SORCS2: variants seen among roughly 807,000 people sequenced by gnomAD.
The protein encoded by SORCS2 is sortilin related VPS10 domain containing receptor 2, also known as VPS10 domain-containing receptor SorCS2.
SORCS2 carries 100 observed loss-of-function variants against 141.6 expected under a neutral mutation model. The ratio of observed to expected loss-of-function variants is 0.71; its 90% CI spans 0.60 to 0.83. The LOEUF is 0.83. Ranked by LOEUF, SORCS2 falls within the 40% of genes least tolerant of loss-of-function variation. The probability of loss-of-function intolerance (pLI) is 0.00; values close to 1 mark genes in which losing one functional copy is unlikely to be tolerated. For missense variants in SORCS2, 1,646 were observed against 1,560.2 expected, an observed-to-expected ratio of 1.05 and a Z score of -0.93; for synonymous variants, 789 against 676.9, an observed-to-expected ratio of 1.17 and a Z score of -2.57.
chr4:7,657,135 T>C (rs1721828521), intron 5 of SORCS2, among the ~76,000 whole-genome samples: 1 of 152,266 alleles, frequency 6.6e-6, no homozygotes, highest in Non-Finnish European at 1.5e-5. Flanking sequence ...AGGCCACCTG[T>C]ACACCGGTGT....
chr4:7,714,335 G>T lies in SORCS2; in HGVS notation c.2085G>T (p.Thr695=), dbSNP rs200959630. 3 of 1,570,626 alleles carry T rather than the reference G, an allele frequency of 1.9e-6. No individual in the cohort carries two copies. Among genetic ancestry groups the T allele is most frequent in the Non-Finnish European group, 1.7e-6 (2 of 1,157,844 alleles). Residue 695 remains threonine (T), a synonymous_variant, in exon 16 of 27, where the codon ACG becomes ACT. Coordinates refer to ENST00000507866, the MANE Select transcript of SORCS2 (RefSeq NM_020777.3). The part of the protein sequence containing the change: ...IKGRSFTSAL[T]SRVCECRDSD... Reference sequence around the variant, plus strand: ...GGAGGAGCTTCACGTCGGCGCTCACGTCCCGCGTGTGCGAGTGCCGGGACT... The same window carrying T: ...GGAGGAGCTTCACGTCGGCGCTCACTTCCCGCGTGTGCGAGTGCCGGGACT...
At chr4:7,335,971 G>A (rs1286816855) in intron 1 of SORCS2, among the ~76,000 whole-genome samples, 1 of 152,210 alleles carries the variant, frequency 6.6e-6, no homozygotes, top group Non-Finnish European at 1.5e-5. Context: ...CCTCCTGGCC[G>A]GGGCTTGGCA....
At chr4:7,213,009 TG>T (rs1728140800) in intron 1 of SORCS2, among the ~76,000 whole-genome samples, 1 of 152,226 alleles carries the variant, frequency 6.6e-6, no homozygotes, top group South Asian at 2.1e-4. Context: ...TCTTCAGAGG[TG>T]TCAGCTCTGG....
Position 7,697,238 on chromosome 4 carries a change from G to C in SORCS2, c.1632G>C (p.Met544Ile), listed in dbSNP as rs1480090806. ...GSQLVEYKEE[M>I]YITSDCGHTW... The stretch of plus-strand genomic sequence containing the variant: ...AGCTGGTGGAATATAAAGAAGAAAT[G>C]TACATCACGTCAGACTGTGGTCACA... The change falls in exon 12 of 27, where the codon ATG becomes ATC. Residue 544 changes from methionine to isoleucine, a missense_variant. By Grantham distance (10) the Met-to-Ile change is conservative. Transcript: ENST00000507866. 1 of 1,591,566 alleles carries C rather than the reference G, an allele frequency of 6.3e-7. No individual in the cohort carries two copies. The highest frequency in any genetic ancestry group is 2.3e-5 in the East Asian group (1 of 43,992).
At chr4:7,316,550 A>G (rs1718573618) in intron 1 of SORCS2, among the ~76,000 whole-genome samples, 1 of 152,218 alleles carries the variant, frequency 6.6e-6, no homozygotes, top group Non-Finnish European at 1.5e-5. Flanking sequence ...TACTGGCATC[A>G]CGACCCTGGA....
At chr4:7,387,452 TGCACACAC>T (rs1219094675) in intron 1 of SORCS2, among the ~76,000 whole-genome samples, 2 of 73,362 alleles carry the variant, frequency 2.7e-5, no homozygotes, top group African/African-American at 8.0e-5. Flanking sequence ...CATGCACACA[TGCACACAC>T]AGATACAGAG....
At chr4:7,471,241 C>A (rs1560312113) in intron 2 of SORCS2, among the ~76,000 whole-genome samples, 1 of 152,258 alleles carries the variant, frequency 6.6e-6, no homozygotes, top group Non-Finnish European at 1.5e-5. Flanking sequence ...CGCTCAGCTC[C>A]TGCCTCGCGC....
chr4:7,257,003 C>T (rs1713930898), intron 1 of SORCS2, among the ~76,000 whole-genome samples: 1 of 152,174 alleles, frequency 6.6e-6, no homozygotes, highest in African/African-American at 2.4e-5. Flanking sequence ...TGGGCATTCA[C>T]TGGTGATTTG....
intron 2 of SORCS2, chr4:7,434,613 A>C: frequency 6.2e-7 from 1 of 1,613,420 alleles, no homozygotes; most frequent in Non-Finnish European, 8.5e-7. Flanking sequence ...TCATCACCAA[A>C]GCCAGGATGT....
intron 2 of SORCS2, among the ~76,000 whole-genome samples, chr4:7,516,447 T>A (rs918606674): frequency 6.6e-6 from 1 of 152,104 alleles, no homozygotes; most frequent in Admixed American, 6.5e-5. Flanking sequence ...GAGGCTGATT[T>A]GCACCACGTG....
intron 1 of SORCS2, among the ~76,000 whole-genome samples, chr4:7,204,601 G>A (rs1006280196): frequency 2.0e-5 from 3 of 152,278 alleles, no homozygotes; most frequent in Admixed American, 1.3e-4. Context: ...CCCACTTGCC[G>A]GTCAGTAGCA....
At chr4:7,646,831 C>T (rs1209268560) in intron 4 of SORCS2, among the ~76,000 whole-genome samples, 1 of 152,178 alleles carries the variant, frequency 6.6e-6, no homozygotes, top group Non-Finnish European at 1.5e-5. Context: ...CGGAAGCCCA[C>T]GTCAGCTAAT....
intron 1 of SORCS2, among the ~76,000 whole-genome samples, chr4:7,361,026 T>C (rs1371538801): frequency 3.9e-5 from 6 of 152,130 alleles, no homozygotes; most frequent in Non-Finnish European, 7.4e-5. Context: ...CTGGAGCTTC[T>C]GTGACAGCTA....
At chr4:7,199,345 G>T (rs1334070402) in intron 1 of SORCS2, among the ~76,000 whole-genome samples, 1 of 152,170 alleles carries the variant, frequency 6.6e-6, no homozygotes, top group African/African-American at 2.4e-5. Context: ...GGCAGGGGAA[G>T]CTCAGTTCAC....
chr4:7,281,606 C>T (rs1715885637), intron 1 of SORCS2, among the ~76,000 whole-genome samples: 3 of 152,308 alleles, frequency 2.0e-5, no homozygotes, highest in South Asian at 2.1e-4. Context: ...ATGTCATTGC[C>T]ATCTGTTTCT....
At chr4:7,597,237 G>A (rs1717330569) in intron 3 of SORCS2, among the ~76,000 whole-genome samples, 1 of 150,282 alleles carries the variant, frequency 6.7e-6, no homozygotes. Flanking sequence ...ATTGCAATAG[G>A]GAAGGAGGCT....
intron 2 of SORCS2, among the ~76,000 whole-genome samples, chr4:7,457,952 C>T (rs568054165): frequency 2.0e-5 from 3 of 151,896 alleles, no homozygotes; most frequent in South Asian, 4.1e-4. Context: ...GGGGCAGGGA[C>T]GTCCACACTG....
chr4:7,559,838 C>T (rs1714407860), intron 3 of SORCS2, among the ~76,000 whole-genome samples: 1 of 152,252 alleles, frequency 6.6e-6, no homozygotes, highest in South Asian at 2.1e-4. Flanking sequence ...TGACCACTCG[C>T]AAATACCCAT....
At chr4:7,580,102 C>T (rs1205209751) in intron 3 of SORCS2, among the ~76,000 whole-genome samples, 1 of 152,216 alleles carries the variant, frequency 6.6e-6, no homozygotes, top group Non-Finnish European at 1.5e-5. Flanking sequence ...AAAACCCAGG[C>T]TTACTGCAAA....
Sources: gnomAD v4.1 joint callset for allele counts (sites outside exome capture counted in the v4.1 genomes callset) on GRCh38, gnomAD v4.1.1 for gene constraint, MANE v1.5 for transcripts, NCBI Gene and HGNC (gene_info 2026-07-23, HGNC 2026-07-21) for gene names.